IQCN: variants seen among roughly 807,000 people sequenced by gnomAD.
IQCN encodes the protein IQ motif containing N.
In IQCN, 46 loss-of-function variants were observed where a neutral mutation model predicts 64.4. The ratio of observed to expected loss-of-function variants is 0.71; its 90% CI spans 0.56 to 0.91. IQCN has a LOEUF of 0.91. Among genes scored for constraint, IQCN ranks in the 40% least tolerant of loss-of-function variants. The probability of loss-of-function intolerance (pLI) is 0.00; values close to 1 mark genes in which losing one functional copy is unlikely to be tolerated. For missense variants in IQCN, 1,753 were observed against 1,857.4 expected, an observed-to-expected ratio of 0.94 and a Z score of 1.03; for synonymous variants, 733 against 775.6, an observed-to-expected ratio of 0.95 and a Z score of 0.91.
At chr19:18,272,608 G>A (rs964207759) in intron 1 of IQCN, among the ~76,000 whole-genome samples, 3 of 149,074 alleles carry the variant, frequency 2.0e-5, no homozygotes, top group Middle Eastern at 3.4e-3. Flanking sequence ...TTAGCATTGT[G>A]CTCACTTTTT....
At chr19:18,259,498 G>C (rs1045989131) in intron 3 of IQCN, 7 of 152,342 alleles carry the variant, frequency 4.6e-5, no homozygotes, top group African/African-American at 1.7e-4. Flanking sequence ...GAGCCTGCGG[G>C]AAGGCTGTGA....
Position 18,257,556 on chromosome 19 carries a change from G to A in IQCN, c.3728C>T (p.Pro1243Leu). Residue 1243 changes from proline (P) to leucine (L), a missense_variant, in exon 4 of 4, where the codon CCC (proline) becomes CTC (leucine). Transcript: ENST00000392413. ...HSLSSRIGSP[P>L]SVVMLVGSSP... Reference sequence around the variant, plus strand: ...GGAGCCCACTAGCATCACCACGCTGGGCGGGCTCCCGATCCTGGAGCTCAG... The same window carrying A: ...GGAGCCCACTAGCATCACCACGCTGAGCGGGCTCCCGATCCTGGAGCTCAG... 6.2e-7 allele frequency: 1 copy of A among 1,612,504 alleles called. No homozygotes were observed. The highest frequency in any genetic ancestry group is 1.1e-5 in the South Asian group (1 of 91,048).
intron 2 of IQCN, 148 bp from the exon 3 acceptor site, chr19:18,267,674 C>T: frequency 1.0e-6 from 1 of 999,032 alleles, no homozygotes; most frequent in Non-Finnish European, 1.4e-6. Context: ...CCTCCCTCTC[C>T]CAAGTGGTCT....
Position 18,266,919 on chromosome 19 carries a change from C to G in IQCN, c.621G>C (p.Ser207=). ...CDNLVLCRPQ[S]SPLLQPPAAQ... Reference sequence around the variant, plus strand: ...CTGCTGGGGGCTGCAGGAGGGGGGACGACTGGGGTCTGCAGAGGACCAGAT... The same window carrying G: ...CTGCTGGGGGCTGCAGGAGGGGGGAGGACTGGGGTCTGCAGAGGACCAGAT... The change falls in exon 3 of 4, where the codon TCG becomes TCC. Residue 207 remains serine (S), a synonymous_variant. Coordinates refer to ENST00000392413, the MANE Select transcript of IQCN (RefSeq NM_001145304.2). The surrounding 1 kb of genome is among the most constrained non-coding windows in gnomAD (Gnocchi z 4.3). 1 of 1,607,238 alleles carries G rather than the reference C, an allele frequency of 6.2e-7. No homozygotes were observed.
Position 18,266,132 on chromosome 19 carries a change from T to A in IQCN, c.1408A>T (p.Thr470Ser). 3.1e-6 allele frequency: 5 copies of A among 1,613,918 alleles called. No homozygotes were observed. The highest frequency in any genetic ancestry group is 4.2e-6 in the Non-Finnish European group (5 of 1,179,978). ...VTTPAKNPLQ[T>S]CLSATMSKTS... ...TTGGACATTGTGGCTGACAGACATG[T>A]TTGCAATGGGTTTTTGGCTGGGGTG... Residue 470 changes from threonine (T) to serine (S), a missense_variant, in exon 3 of 4, where the codon ACA (threonine) becomes TCA (serine). Physicochemically the swap from Thr to Ser is moderately conservative, Grantham distance 58. Coordinates refer to ENST00000392413, the MANE Select transcript of IQCN (RefSeq NM_001145304.2). This position sits in a 1 kb window ranked among gnomAD's most constrained non-coding sequence, Gnocchi z 4.3.
chr19:18,272,850 TTCGC>T, intron 1 of IQCN, among the ~76,000 whole-genome samples: 1 of 151,760 alleles, frequency 6.6e-6, no homozygotes, highest in African/African-American at 2.4e-5. Context: ...GACCTCGTGA[TTCGC>T]CCACCTCGGC....
rs756026332 is a variant in IQCN at position 18,267,127 on chromosome 19, C to T, written c.413G>A (p.Arg138Gln). 9.9e-6 allele frequency: 16 copies of T among 1,614,130 alleles called. No homozygotes were observed. The highest frequency in any genetic ancestry group is 1.6e-4 in the Middle Eastern group (1 of 6,084). ...AAGGATGTGTCTCTTGTTGAAGCGC[C>T]GCCAGGCCTCCTGGATGGCCTTGGC... ...MAAKAIQEAW[R>Q]RFNKRHILHS... The change falls in exon 3 of 4, where the codon CGG becomes CAG. Residue 138 changes from arginine (R) to glutamine (Q), a missense_variant. Transcript: ENST00000392413.
intron 1 of IQCN, among the ~76,000 whole-genome samples, chr19:18,272,403 C>T (rs949042375): frequency 6.6e-6 from 1 of 152,064 alleles, no homozygotes; most frequent in African/African-American, 2.4e-5. Context: ...GCTGGGATTA[C>T]AGGCATGAGC....
chr19:18,273,610 G>A (rs1028369137), intron 1 of IQCN, among the ~76,000 whole-genome samples: 4 of 152,180 alleles, frequency 2.6e-5, no homozygotes, highest in Non-Finnish European at 5.9e-5. Flanking sequence ...GGCGTTACAG[G>A]CGTGAGCCAC....
chr19:18,258,226 G>T, intron 3 of IQCN, 120 bp from the exon 4 acceptor site: 2 of 1,100,954 alleles, frequency 1.8e-6, no homozygotes, highest in East Asian at 2.5e-5. Context: ...GAACCACTTG[G>T]GGAAGACTCA....
At chr19:18,272,653 C>T (rs1435874570) in intron 1 of IQCN, among the ~76,000 whole-genome samples, 2 of 151,386 alleles carry the variant, frequency 1.3e-5, no homozygotes, top group African/African-American at 4.9e-5. Context: ...TTCTGTCTCC[C>T]AGGCTGGAGT....
Position 18,266,904 on chromosome 19 carries a change from C to A in IQCN, c.636G>T (p.Gln212His). The change falls in exon 3 of 4, where the codon CAG becomes CAT. Residue 212 changes from glutamine to histidine, a missense_variant. Coordinates refer to ENST00000392413, the MANE Select transcript of IQCN (RefSeq NM_001145304.2). The surrounding 1 kb of genome is among the most constrained non-coding windows in gnomAD (Gnocchi z 4.3). ...LCRPQSSPLL[Q>H]PPAAQGTPEP... Reference sequence around the variant, plus strand: ...CTGGGGTACCCTGAGCTGCTGGGGGCTGCAGGAGGGGGGACGACTGGGGTC... The same window carrying A: ...CTGGGGTACCCTGAGCTGCTGGGGGATGCAGGAGGGGGGACGACTGGGGTC... The A allele has an allele frequency of 6.2e-7, 1 of 1,607,168 alleles. No homozygotes were observed. The highest frequency in any genetic ancestry group is 8.5e-7 in the Non-Finnish European group (1 of 1,175,494).
chr19:18,270,146 G>A (rs889142196), intron 1 of IQCN, among the ~76,000 whole-genome samples: 7 of 151,502 alleles, frequency 4.6e-5, no homozygotes, highest in African/African-American at 1.5e-4. Flanking sequence ...GATCACCTGA[G>A]GTCAGGAGTT....
intron 1 of IQCN, among the ~76,000 whole-genome samples, chr19:18,272,918 T>C (rs57090641): frequency 0.23 from 35,530 of 151,744 alleles, 4,966 homozygotes; most frequent in East Asian, 0.44. Context: ...CCGAGCATTG[T>C]GCTCACTTTA....
intron 2 of IQCN, among the ~76,000 whole-genome samples, chr19:18,269,033 G>C (rs1332116104): frequency 6.6e-6 from 1 of 151,878 alleles, no homozygotes; most frequent in Non-Finnish European, 1.5e-5. Context: ...GGGAGGCTGA[G>C]GCAGGAGCAT....
At position 18,258,171 on chromosome 19, in the gene IQCN, T is replaced by A. The variant is rs749782258; in HGVS notation, c.3178-65A>T. 7 of 1,544,108 alleles carry A rather than the reference T, an allele frequency of 4.5e-6. No homozygotes were observed. The East Asian group carries it at 1.6e-4, about 35-fold the overall frequency. ...GGCAGGATTCTGGGGGCTATAGGAG[T>A]CCTGCCGTCTCCACGGTGACTCCTG... On this transcript the variant is annotated intron_variant, in intron 3 of 3. Transcript: ENST00000392413.
rs1969494390 is a variant in IQCN at position 18,264,390 on chromosome 19, C to T, written c.3150G>A (p.Leu1050=). ...RSPSAAWGPS[L]GPVRPQTSKG... ...TGCTGGTCTGTGGTCTCACGGGGCC[C>T]AGGGAGGGCCCCCATGCGGCCGATG... Residue 1050 remains leucine, a synonymous_variant, in exon 3 of 4, where the codon CTG becomes CTA. Coordinates refer to ENST00000392413, the MANE Select transcript of IQCN (RefSeq NM_001145304.2). This position sits in a 1 kb window ranked among gnomAD's most constrained non-coding sequence, Gnocchi z 4.3. 3.3e-6 allele frequency: 5 copies of T among 1,516,698 alleles called. No homozygotes were observed. Among genetic ancestry groups the T allele is most frequent in the Non-Finnish European group, 4.4e-6 (5 of 1,129,488 alleles). 94.0% of individuals were successfully genotyped at this position (1,516,698 alleles called of 1,614,324 possible). A position where few individuals can be genotyped will look rare whatever the true frequency, so the allele number is the denominator to read the frequency against.
At chr19:18,273,126 G>C (rs1434368780) in intron 1 of IQCN, among the ~76,000 whole-genome samples, 1 of 151,644 alleles carries the variant, frequency 6.6e-6, no homozygotes, top group African/African-American at 2.4e-5. Context: ...CGCCTCCCAG[G>C]TTCAAAGTGA....
chr19:18,266,705 C>T lies in IQCN; in HGVS notation c.835G>A (p.Val279Met), dbSNP rs151015278. 3.2e-5 allele frequency: 51 copies of T among 1,614,070 alleles called. No homozygotes were observed. The highest frequency in any genetic ancestry group is 4.2e-5 in the Non-Finnish European group (49 of 1,180,044). Reference protein sequence around the residue: ...TCLVHIEGDSVKTKRVSARTN... With the variant: ...TCLVHIEGDSMKTKRVSARTN... Reference sequence around the variant, plus strand: ...CGGGCACTTACACGTTTGGTCTTCACTGAGTCACCCTCTATGTGGACGAGG... The same window carrying T: ...CGGGCACTTACACGTTTGGTCTTCATTGAGTCACCCTCTATGTGGACGAGG... Residue 279 changes from valine (V) to methionine (M), a missense_variant, in exon 3 of 4, where the codon GTG (valine) becomes ATG (methionine). Transcript: ENST00000392413. The surrounding 1 kb of genome is among the most constrained non-coding windows in gnomAD (Gnocchi z 4.3).
Sources: allele counts gnomAD v4.1 joint callset (sites outside exome capture counted in the v4.1 genomes callset), GRCh38; gene constraint gnomAD v4.1.1; non-coding constraint Gnocchi (gnomAD v3.1); transcripts MANE v1.5; gene names NCBI Gene and HGNC (gene_info 2026-07-23, HGNC 2026-07-21).